The following KDM2B variants were observed in gnomAD, a reference collection of about 807,000 sequenced individuals.
KDM2B encodes the protein lysine-specific demethylase 2B.
A neutral mutation model predicts 150.0 loss-of-function variants in KDM2B; 26 were observed. The ratio of observed to expected loss-of-function variants is 0.17; its 90% CI spans 0.13 to 0.24. The LOEUF is 0.24. KDM2B is among the 10% of genes least tolerant of loss of function. The probability of loss-of-function intolerance (pLI) is 1.00; values close to 1 mark genes in which losing one functional copy is unlikely to be tolerated. For missense variants in KDM2B, 1,265 were observed against 1,816.9 expected (o/e 0.70, Z 5.52); for synonymous variants, 734 against 729.5 (o/e 1.01, Z -0.10).
Position 121,581,006 on chromosome 12 carries a change from G to A in KDM2B, c.-95C>T, listed in dbSNP as rs1411825020. 1 of 1,500,700 alleles carries A rather than the reference G, an allele frequency of 6.7e-7. No individual in the cohort carries two copies. The highest frequency in any genetic ancestry group is 9.0e-7 in the Non-Finnish European group (1 of 1,114,716). 93.0% of individuals were successfully genotyped at this position (1,500,700 alleles called of 1,614,324 possible). ...TTTTAAACTCCCGGCACTCAAAGAT[G>A]TGGACACACACACGTACAGGAAATA... is the stretch of plus-strand genomic sequence containing the variant. On this transcript the variant is annotated 5_prime_UTR_variant, in exon 1 of 23. Coordinates refer to ENST00000377071, the MANE Select transcript of KDM2B (RefSeq NM_032590.5).
chr12:121,465,928 C>T (rs1261830271), intron 12 of KDM2B, among the ~76,000 whole-genome samples: 1 of 152,136 alleles, frequency 6.6e-6, no homozygotes, highest in African/African-American at 2.4e-5. Context: ...AAAGTTCAAG[C>T]CAAAAGCACT....
At chr12:121,523,130 G>C (rs963195367) in intron 8 of KDM2B, among the ~76,000 whole-genome samples, 1 of 152,238 alleles carries the variant, frequency 6.6e-6, no homozygotes, top group African/African-American at 2.4e-5. Context: ...GGCACAAAGG[G>C]GGAAGCCACT....
intron 8 of KDM2B, among the ~76,000 whole-genome samples, chr12:121,527,893 A>G (rs1361270991): frequency 6.6e-6 from 1 of 152,226 alleles, no homozygotes; most frequent in Non-Finnish European, 1.5e-5. Flanking sequence ...CCGAGCCTGC[A>G]AATGTGGCCA....
chr12:121,539,199 G>A (rs555309029), intron 6 of KDM2B, among the ~76,000 whole-genome samples: 1 of 151,792 alleles, frequency 6.6e-6, no homozygotes, highest in South Asian at 2.1e-4. Context: ...CCAACATAAT[G>A]GTGCGCGCCT....
chr12:121,566,344 G>A (rs1594142165), intron 4 of KDM2B, among the ~76,000 whole-genome samples: 1 of 152,208 alleles, frequency 6.6e-6, no homozygotes, highest in East Asian at 1.9e-4. Flanking sequence ...AAAATTGGCT[G>A]GGTGCAGTGG....
chr12:121,444,911 TG>T, intron 14 of KDM2B: 1 of 420,604 alleles, frequency 2.4e-6, no homozygotes, highest in Non-Finnish European at 4.4e-6. Context: ...TACTGGGTGC[TG>T]GGGGAAGGAG....
the KDM2B span, among the ~76,000 whole-genome samples, chr12:121,415,114 G>T: frequency 1.3e-5 from 2 of 151,820 alleles, no homozygotes; most frequent in South Asian, 4.2e-4. Flanking sequence ...AAAAGAATTT[G>T]GAAAGTAGAG....
In KDM2B at chr12:121,510,182, T is replaced by C. The variant is rs1214253322; in HGVS notation, c.1175-143A>G. Reference sequence around the variant, plus strand: ...CCTAATGGTCAGTGCCTCCAGCCTCTGGAAAGGCCGTGGGGGACGCAGGTT... The same window carrying C: ...CCTAATGGTCAGTGCCTCCAGCCTCCGGAAAGGCCGTGGGGGACGCAGGTT... On this transcript the variant is annotated intron_variant, in intron 10 of 22. Coordinates refer to ENST00000377071, the MANE Select transcript of KDM2B (RefSeq NM_032590.5). 5.5e-6 allele frequency: 4 copies of C among 728,186 alleles called. No homozygotes were observed. The African/African-American group carries it at 7.1e-5, about 13-fold the overall frequency. 45.1% of individuals were successfully genotyped at this position (728,186 alleles called of 1,614,324 possible).
At chr12:121,504,980 T>G (rs979420745) in intron 11 of KDM2B, among the ~76,000 whole-genome samples, 34 of 151,718 alleles carry the variant, frequency 2.2e-4, no homozygotes, top group African/African-American at 7.5e-4. Context: ...AGCTGGGCGT[T>G]GTGGCAGGCG....
In KDM2B at chr12:121,439,845, C is replaced by T. The variant is rs1874681484; in HGVS notation, c.3829+12G>A. 9 of 1,608,630 alleles carry T rather than the reference C, an allele frequency of 5.6e-6. No homozygotes were observed. Among genetic ancestry groups the T allele is most frequent in the Non-Finnish European group, 6.8e-6 (8 of 1,175,236 alleles). On this transcript the variant is annotated intron_variant, in intron 22 of 22. Transcript: ENST00000377071. ...GAGTGTTAGGCAGACCCGATGGGGG[C>T]CCCTGACTCACCAGACAGGTTGATC...
intron 12 of KDM2B, among the ~76,000 whole-genome samples, chr12:121,489,252 A>G (rs1228047743): frequency 6.7e-6 from 1 of 150,124 alleles, no homozygotes; most frequent in Non-Finnish European, 1.5e-5. Context: ...GCCGGGTTTT[A>G]TTTATTTTAT....
intron 12 of KDM2B, among the ~76,000 whole-genome samples, chr12:121,488,668 CT>C (rs1268643349): frequency 6.6e-6 from 1 of 152,224 alleles, no homozygotes; most frequent in Non-Finnish European, 1.5e-5. Context: ...GTTGCCCAGG[CT>C]GGAGTGCAGT....
At chr12:121,477,779 T>C (rs1593884571) in intron 12 of KDM2B, among the ~76,000 whole-genome samples, 1 of 152,110 alleles carries the variant, frequency 6.6e-6, no homozygotes, top group Admixed American at 6.6e-5. Context: ...AGTTTCACCA[T>C]GTTGGCCAGG....
At chr12:121,528,758 C>T (rs1299732100) in intron 8 of KDM2B, among the ~76,000 whole-genome samples, 6 of 150,294 alleles carry the variant, frequency 4.0e-5, no homozygotes, top group South Asian at 2.1e-4. Context: ...CCAGGCGTGG[C>T]GGCACATGCC....
At chr12:121,519,103 G>A (rs782587565) in intron 9 of KDM2B, among the ~76,000 whole-genome samples, 8 of 152,194 alleles carry the variant, frequency 5.3e-5, no homozygotes, top group Non-Finnish European at 8.8e-5. Flanking sequence ...TAGGCGTCAC[G>A]TGTCAATCTG....
chr12:121,565,299 T>C (rs1244555833), intron 4 of KDM2B, among the ~76,000 whole-genome samples: 2 of 151,838 alleles, frequency 1.3e-5, no homozygotes, highest in Non-Finnish European at 2.9e-5. Context: ...CAAGATTTCA[T>C]TGCCAATGGG....
In KDM2B at chr12:121,442,916, G is replaced by T; in HGVS notation, c.2604+76C>A. 1 of 1,584,184 alleles carries T rather than the reference G, an allele frequency of 6.3e-7. No homozygotes were observed. The highest frequency in any genetic ancestry group is 8.6e-7 in the Non-Finnish European group (1 of 1,166,224). ...CAAGGCCTCCCGCCCCCCTGCCACG[G>T]GACTGTGGCCCAGGGAGCTGCGGTG... On this transcript the variant is annotated intron_variant, in intron 18 of 22. Transcript: ENST00000377071. This position sits in a 1 kb window ranked among gnomAD's most constrained non-coding sequence, Gnocchi z 7.7.
intron 12 of KDM2B, among the ~76,000 whole-genome samples, chr12:121,466,038 T>C (rs951518266): frequency 6.6e-6 from 1 of 151,246 alleles, no homozygotes; most frequent in Non-Finnish European, 1.5e-5. Context: ...GCTGAGAAAA[T>C]AAAAATCAAC....
At chr12:121,512,505 C>T (rs1209323383) in intron 10 of KDM2B, among the ~76,000 whole-genome samples, 1 of 151,972 alleles carries the variant, frequency 6.6e-6, no homozygotes, top group Non-Finnish European at 1.5e-5. Context: ...CCAGTCTCAT[C>T]TTTCTATCCC....
Sources: allele counts gnomAD v4.1 joint callset (sites outside exome capture counted in the v4.1 genomes callset), GRCh38; gene constraint gnomAD v4.1.1; non-coding constraint Gnocchi (gnomAD v3.1); transcripts MANE v1.5; gene names NCBI Gene and HGNC (gene_info 2026-07-23, HGNC 2026-07-21).